KIF25: variants seen among roughly 807,000 people sequenced by gnomAD.
KIF25 encodes the protein kinesin-like protein KIF25.
KIF25 carries 19 observed loss-of-function variants against 32.9 expected under a neutral mutation model. The ratio of observed to expected loss-of-function variants is 0.58; its 90% CI spans 0.40 to 0.85. KIF25 has a LOEUF of 0.85. KIF25 is among the 40% of genes least tolerant of loss of function. KIF25 has a pLI of 0.00. For synonymous variants in KIF25, 225 were observed against 213.7 expected (o/e 1.05, Z -0.46); for missense variants, 485 against 507.0 (o/e 0.96, Z 0.42).
At chr6:168,000,306 A>T (rs1478260503) in intron 2 of KIF25, among the ~76,000 whole-genome samples, 12 of 44,794 alleles carry the variant, frequency 2.7e-4, no homozygotes, top group Non-Finnish European at 3.0e-4. Context: ...TCCCATCCTG[A>T]CCACACCTGC....
At chr6:168,033,817 T>A (rs1361036893) in intron 7 of KIF25, 65 bp from the exon 8 acceptor site, 32 of 1,549,134 alleles carry the variant, frequency 2.1e-5, no homozygotes, top group Non-Finnish European at 2.8e-5. Context: ...CAAGTGAAAA[T>A]TTTTCCTGGA....
chr6:168,018,319 T>G (rs1366960342), intron 5 of KIF25, among the ~76,000 whole-genome samples: 1 of 152,206 alleles, frequency 6.6e-6, no homozygotes, highest in Non-Finnish European at 1.5e-5. Context: ...AACACTTTAG[T>G]GTACAAGCTT....
intron 8 of KIF25, among the ~76,000 whole-genome samples, chr6:168,035,121 A>C (rs1798996964): frequency 6.7e-6 from 1 of 149,762 alleles, no homozygotes; most frequent in Non-Finnish European, 1.5e-5. Context: ...CTGAGGTAGA[A>C]AGCGGGAGAG....
chr6:168,035,208 G>C (rs577665110), intron 8 of KIF25, among the ~76,000 whole-genome samples: 1 of 151,820 alleles, frequency 6.6e-6, no homozygotes, highest in East Asian at 2.0e-4. Flanking sequence ...GGAAGGGGGC[G>C]ATGTGGTGTG....
At chr6:168,018,394 T>C (rs6916508) in intron 5 of KIF25, among the ~76,000 whole-genome samples, 6,356 of 152,254 alleles carry the variant, frequency 0.042, 458 homozygotes, top group African/African-American at 0.15. Context: ...TAAGGCAAGC[T>C]AGGCTGAGCT....
In KIF25 at chr6:168,033,975, G is replaced by A. The variant is rs758085695; in HGVS notation, c.261G>A (p.Pro87=). 27 of 1,614,032 alleles carry A rather than the reference G, an allele frequency of 1.7e-5. No homozygotes were observed. The highest frequency in any genetic ancestry group is 1.7e-4 in the Admixed American group (10 of 60,004). Residue 87 remains proline, a synonymous_variant, in exon 8 of 13, where the codon CCG becomes CCA. Coordinates refer to ENST00000643607, the MANE Select transcript of KIF25 (RefSeq NM_030615.4). The part of the protein sequence containing the change: ...GRHSDDGPVL[P]LDPQSDLGII... ...ATTCGGACGACGGCCCTGTTCTGCC[G>A]CTTGACCCACAGAGTGACTTAGGAA...
chr6:168,019,687 TG>T (rs1317471236), intron 5 of KIF25, among the ~76,000 whole-genome samples: 1 of 152,218 alleles, frequency 6.6e-6, no homozygotes, highest in Non-Finnish European at 1.5e-5. Context: ...ATGTCAATTT[TG>T]TTATATGTAT....
Position 168,013,265 on chromosome 6 carries a change from G to A in KIF25, c.-162-4708G>A, listed in dbSNP as rs189049277. ...GCTTGGCTAACTCAAGGGCAGGGTT[G>A]CTGTGGGTGGGACTGCCAGGTTCCT... On this transcript the variant is annotated intron_variant, in intron 4 of 12. Coordinates refer to ENST00000643607, the MANE Select transcript of KIF25 (RefSeq NM_030615.4). Among the ~76,000 whole-genome samples the A allele has an allele frequency of 1.3e-4, 19 of 151,944 alleles. No homozygotes were observed. In the East Asian group the frequency reaches 3.7e-3, roughly 30 times the overall value.
At chr6:168,016,863 G>A (rs1166640682) in intron 4 of KIF25, among the ~76,000 whole-genome samples, 1 of 152,346 alleles carries the variant, frequency 6.6e-6, no homozygotes, top group East Asian at 1.9e-4. Context: ...GGCTGCCTAC[G>A]AGGCACAGCC....
intron 8 of KIF25, among the ~76,000 whole-genome samples, chr6:168,037,534 G>A (rs756372472): frequency 6.6e-6 from 1 of 152,150 alleles, no homozygotes; most frequent in Non-Finnish European, 1.5e-5. Context: ...TGACGAGGTT[G>A]GAAGGGGAGT....
chr6:168,027,593 G>A (rs570551577), intron 5 of KIF25, among the ~76,000 whole-genome samples: 4 of 152,160 alleles, frequency 2.6e-5, no homozygotes, highest in Admixed American at 6.5e-5. Flanking sequence ...GGGTGTGGCT[G>A]GACATGACTG....
At chr6:168,034,944 A>G (rs968685360) in intron 8 of KIF25, among the ~76,000 whole-genome samples, 1 of 152,132 alleles carries the variant, frequency 6.6e-6, no homozygotes, top group Non-Finnish European at 1.5e-5. Flanking sequence ...GCGGATCACA[A>G]GGTCAGGAGT....
intron 3 of KIF25, among the ~76,000 whole-genome samples, chr6:168,002,996 G>A (rs1391756411): frequency 6.6e-6 from 1 of 152,222 alleles, no homozygotes; most frequent in Non-Finnish European, 1.5e-5. Flanking sequence ...GTGGAGCTCA[G>A]GCAGTGATGC....
At chr6:168,033,831 T>TTC in intron 7 of KIF25, 51 bp from the exon 8 acceptor site, 1 of 1,568,326 alleles carries the variant, frequency 6.4e-7, no homozygotes, top group Non-Finnish European at 8.7e-7. Flanking sequence ...TCCTGGAATC[T>TTC]TCTTGGCACC....
At chr6:168,015,131 A>G (rs1316015248) in intron 4 of KIF25, among the ~76,000 whole-genome samples, 1 of 152,064 alleles carries the variant, frequency 6.6e-6, no homozygotes, top group African/African-American at 2.4e-5. Flanking sequence ...TGGGCCTTGA[A>G]CCACCATCCA....
intron 4 of KIF25, among the ~76,000 whole-genome samples, chr6:168,015,409 A>C (rs952996052): frequency 2.0e-5 from 3 of 152,222 alleles, no homozygotes; most frequent in Non-Finnish European, 2.9e-5. Flanking sequence ...GATATAAATA[A>C]AAAACTAGAT....
intron 5 of KIF25, among the ~76,000 whole-genome samples, chr6:168,018,785 C>T (rs1798749590): frequency 6.6e-6 from 1 of 152,198 alleles, no homozygotes; most frequent in Admixed American, 6.5e-5. Flanking sequence ...TCCTGCTCCT[C>T]GGAAGGACGT....
At chr6:168,034,121 C>A (rs1798982818) in intron 8 of KIF25, 90 bp downstream of exon 8, 3 of 1,369,434 alleles carry the variant, frequency 2.2e-6, no homozygotes, top group Non-Finnish European at 3.1e-6. Context: ...AAAATTATTA[C>A]CATTTGAAGA....
intron 2 of KIF25, among the ~76,000 whole-genome samples, chr6:168,000,750 G>A (rs192283116): frequency 6.6e-4 from 100 of 152,116 alleles, no homozygotes; most frequent in African/African-American, 2.0e-3. Flanking sequence ...CTGTCCCAAC[G>A]CCATATGGGG....
Sources: allele counts gnomAD v4.1 joint callset (sites outside exome capture counted in the v4.1 genomes callset), GRCh38; gene constraint gnomAD v4.1.1; transcripts MANE v1.5; gene names NCBI Gene and HGNC (gene_info 2026-07-23, HGNC 2026-07-21).